Variants in FDCSP observed in about 807,000 individuals in gnomAD.
The protein encoded by FDCSP is follicular dendritic cell secreted protein, also known as follicular dendritic cell secreted peptide.
FDCSP carries 8 observed loss-of-function variants against 8.9 expected under a neutral mutation model. The ratio of observed to expected loss-of-function variants is 0.90; its 90% CI spans 0.53 to 1.63. FDCSP has a LOEUF of 1.63. Among genes scored for constraint, FDCSP ranks in the 40% most tolerant of loss-of-function variants. The pLI, the probability that FDCSP is intolerant of heterozygous loss-of-function variation, is 0.00. For missense variants in FDCSP, 101 were observed against 103.6 expected (o/e 0.98, Z 0.11); for synonymous variants, 34 against 34.5 (o/e 0.98, Z 0.06).
chr4:70,228,632 T>C (rs913810132), intron 1 of FDCSP, among the ~76,000 whole-genome samples: 3 of 151,808 alleles, frequency 2.0e-5, no homozygotes, highest in Admixed American at 6.6e-5. Context: ...AATGTATTTA[T>C]TTAATAATGA....
In FDCSP at chr4:70,234,197, A is replaced by G. The variant is rs752027935; in HGVS notation, c.*10A>G. 2.5e-6 allele frequency: 4 copies of G among 1,607,228 alleles called. No homozygotes were observed. The Admixed American group carries it at 5.1e-5, about 20-fold the overall frequency. On this transcript the variant is annotated 3_prime_UTR_variant, in exon 4 of 5. Transcript: ENST00000317987. ...TCCTAGCGAAAAGTAAACAAGAAGG[A>G]AAAGTCACGATAAACCTGGTAAGTA...
At position 70,235,129 on chromosome 4, in the gene FDCSP, T is replaced by C. The variant is rs1730154026; in HGVS notation, c.*73T>C. The C allele has an allele frequency of 6.6e-6, 1 of 151,798 alleles. No individual in the cohort carries two copies. Among genetic ancestry groups the C allele is most frequent in the Non-Finnish European group, 1.5e-5 (1 of 67,832 alleles). The allele number at this position is 151,798 out of a possible 1,614,324, so 9.4% of individuals were successfully genotyped here. A position where few individuals can be genotyped will look rare whatever the true frequency, so the allele number is the denominator to read the frequency against. ...GAGCCACTTCCTTGAAGAATCAAAA[T>C]TCCTGTTAATAAAAGAAAAACAAAT... On this transcript the variant is annotated 3_prime_UTR_variant, in exon 5 of 5. Coordinates refer to ENST00000317987, the MANE Select transcript of FDCSP (RefSeq NM_152997.4).
At position 70,233,067 on chromosome 4, in the gene FDCSP, G is replaced by A. The variant is rs201919477; in HGVS notation, c.90+41G>A. 2.8e-4 allele frequency: 421 copies of A among 1,499,752 alleles called. 5 individuals carry two copies. In the Middle Eastern group the frequency reaches 0.012, roughly 43 times the overall value. 92.9% of individuals were successfully genotyped at this position (1,499,752 alleles called of 1,614,324 possible). Reference sequence around the variant, plus strand: ...TCTTTTTTACATGTAAGTTTTACACGTGAAATATTCATAACTATTGTTAAA... The same window carrying A: ...TCTTTTTTACATGTAAGTTTTACACATGAAATATTCATAACTATTGTTAAA... On this transcript the variant is annotated intron_variant, in intron 3 of 4. Coordinates refer to ENST00000317987, the MANE Select transcript of FDCSP (RefSeq NM_152997.4).
intron 2 of FDCSP, among the ~76,000 whole-genome samples, chr4:70,232,078 A>T (rs1362064136): frequency 5.3e-5 from 8 of 151,786 alleles, no homozygotes; most frequent in African/African-American, 1.9e-4. Context: ...TAAAATAGTT[A>T]TAGTAAGCTA....
Position 70,234,143 on chromosome 4 carries a change from A to G in FDCSP, c.214A>G (p.Ile72Val), listed in dbSNP as rs1730134475. 6.2e-7 allele frequency: 1 copy of G among 1,610,950 alleles called. No homozygotes were observed. The highest frequency in any genetic ancestry group is 2.2e-5 in the East Asian group (1 of 44,766). Residue 72 changes from isoleucine (I) to valine (V), a missense_variant, in exon 4 of 5, where the codon ATA becomes GTA. Transcript: ENST00000317987. ...GTTTAGACGTAATTTTCCTATTCCA[A>G]TACCTGAATCTGCCCCTACAACTCC... is the stretch of plus-strand genomic sequence containing the variant. ...PWFRRNFPIP[I>V]PESAPTTPLP...
At position 70,234,402 on chromosome 4, in the gene FDCSP, A is replaced by T. The variant is rs1479326325; in HGVS notation, c.*28+187A>T. Among the ~76,000 whole-genome samples, 23 of 151,648 alleles carry T rather than the reference A, an allele frequency of 1.5e-4. 1 individual carries two copies. ...AGAAATACACATGTGCCCTTCCATG[A>T]TCTAACCAGCACAGCACTTTAAATC... is the stretch of plus-strand genomic sequence containing the variant. On this transcript the variant is annotated intron_variant, in intron 4 of 4. Transcript: ENST00000317987.
At chr4:70,233,620 G>A (rs913798006) in intron 3 of FDCSP, among the ~76,000 whole-genome samples, 3 of 151,644 alleles carry the variant, frequency 2.0e-5, no homozygotes, top group African/African-American at 7.3e-5. Flanking sequence ...GACACAAACA[G>A]ATAATTGAGA....
chr4:70,227,660 A>G (rs1730010474), intron 1 of FDCSP, among the ~76,000 whole-genome samples: 1 of 151,674 alleles, frequency 6.6e-6, no homozygotes, highest in South Asian at 2.1e-4. Flanking sequence ...GACTTTCCAA[A>G]CTGATATTAC....
intron 3 of FDCSP, 122 bp downstream of exon 3, chr4:70,233,148 G>T: frequency 1.3e-6 from 1 of 785,182 alleles, no homozygotes; most frequent in African/African-American, 1.8e-5. Flanking sequence ...AGAGCTTTTG[G>T]TATTAGCACT....
rs1730003221 is a variant in FDCSP, at chr4:70,227,339, T to C, written c.-1+1157T>C. On this transcript the variant is annotated intron_variant, in intron 1 of 4. Coordinates refer to ENST00000317987, the MANE Select transcript of FDCSP (RefSeq NM_152997.4). ...TTACATTCCTGTCTTCTCAAAATTA[T>C]TAGATTATCTGGTACTTTTTTGAAT... is the stretch of plus-strand genomic sequence containing the variant. Among the ~76,000 whole-genome samples, 3 of 151,814 alleles carry C rather than the reference T, an allele frequency of 2.0e-5. No homozygotes were observed. In the Admixed American group the frequency reaches 2.0e-4, roughly 10 times the overall value.
rs752862647 is a variant in FDCSP at position 70,234,099 on chromosome 4, C to T, written c.170C>T (p.Pro57Leu). The T allele has an allele frequency of 1.2e-6, 2 of 1,611,280 alleles. No homozygotes were observed. The highest frequency in any genetic ancestry group is 2.7e-5 in the African/African-American group (2 of 74,638). The change falls in exon 4 of 5, where the codon CCA (proline) becomes CTA (leucine). Residue 57 changes from proline (P) to leucine (L), a missense_variant. Pro to Leu is a moderately conservative substitution (Grantham distance 98, BLOSUM62 -3). Transcript: ENST00000317987. Reference protein sequence around the residue: ...PYPFRPLPPIPFPRFPWFRRN... With the variant: ...PYPFRPLPPILFPRFPWFRRN... Reference sequence around the variant, plus strand: ...CCATTTCGCCCACTTCCACCAATTCCATTTCCAAGATTTCCATGGTTTAGA... The same window carrying T: ...CCATTTCGCCCACTTCCACCAATTCTATTTCCAAGATTTCCATGGTTTAGA...
intron 3 of FDCSP, 140 bp downstream of exon 3, chr4:70,233,166 G>A (rs1265836608): frequency 6.4e-6 from 4 of 621,080 alleles, no homozygotes; most frequent in Non-Finnish European, 8.0e-6. Context: ...ACTCAACAGA[G>A]GTTTAGACTT....
At position 70,234,178 on chromosome 4, in the gene FDCSP, C is replaced by A. The variant is rs200937610; in HGVS notation, c.249C>A (p.Ser83Arg). Residue 83 changes from serine to arginine, a missense_variant, in exon 4 of 5, where the codon AGC (serine) becomes AGA (arginine). Coordinates refer to ENST00000317987, the MANE Select transcript of FDCSP (RefSeq NM_152997.4). ...CTGCCCCTACAACTCCCCTTCCTAG[C>A]GAAAAGTAAACAAGAAGGAAAAGTC... ...PESAPTTPLP[S>R]EK 7 of 1,608,078 alleles carry A rather than the reference C, an allele frequency of 4.4e-6. No homozygotes were observed. Among genetic ancestry groups the A allele is most frequent in the South Asian group, 2.2e-5 (2 of 90,462 alleles).
chr4:70,227,248 A>G (rs1470921978), intron 1 of FDCSP, among the ~76,000 whole-genome samples: 2 of 151,648 alleles, frequency 1.3e-5, no homozygotes, highest in Non-Finnish European at 3.0e-5. Flanking sequence ...GTGTGTTTGT[A>G]TAATTTTTAC....
chr4:70,230,193 A>C (rs562890838), intron 1 of FDCSP, among the ~76,000 whole-genome samples: 13 of 151,652 alleles, frequency 8.6e-5, no homozygotes, highest in Non-Finnish European at 1.5e-4. Flanking sequence ...TTTCAACTTG[A>C]TTGCCTTTCC....
rs1391336971 is a variant in FDCSP at position 70,231,287 on chromosome 4, T to C, written c.57+36T>C. 5.5e-6 allele frequency: 8 copies of C among 1,451,102 alleles called. No individual in the cohort carries two copies. In the South Asian group the frequency reaches 1.0e-4, roughly 18 times the overall value. 89.9% of individuals were successfully genotyped at this position (1,451,102 alleles called of 1,614,324 possible). ...ACGTATACATTCCAAAATATTTATG[T>C]ATGGCCATGTATGGCATATTTATGT... On this transcript the variant is annotated intron_variant, in intron 2 of 4. Transcript: ENST00000317987.
intron 1 of FDCSP, among the ~76,000 whole-genome samples, chr4:70,226,432 G>A (rs190804613): frequency 1.4e-3 from 215 of 151,870 alleles, no homozygotes; most frequent in African/African-American, 4.9e-3. Flanking sequence ...GACCATAAAT[G>A]AATCTTTCTA....
At chr4:70,232,767 A>G (rs1011227427) in intron 2 of FDCSP, among the ~76,000 whole-genome samples, 3 of 151,646 alleles carry the variant, frequency 2.0e-5, no homozygotes, top group Non-Finnish European at 4.4e-5. Context: ...TTCAGTGCAT[A>G]ATTCAGTTCC....
chr4:70,233,810 G>A (rs1050958086), intron 3 of FDCSP, among the ~76,000 whole-genome samples: 2 of 151,556 alleles, frequency 1.3e-5, no homozygotes, highest in South Asian at 2.1e-4. Context: ...TAACTGGAAA[G>A]GTATAGGAAC....
Sources: gnomAD v4.1 joint callset for allele counts (sites outside exome capture counted in the v4.1 genomes callset) on GRCh38, gnomAD v4.1.1 for gene constraint, MANE v1.5 for transcripts, NCBI Gene and HGNC (gene_info 2026-07-23, HGNC 2026-07-21) for gene names.